The following DOCK4 variants were observed in gnomAD, a reference collection of about 807,000 sequenced individuals.
The protein encoded by DOCK4 is dedicator of cytokinesis 4.
A neutral mutation model predicts 268.1 loss-of-function variants in DOCK4; 97 were observed. The ratio of observed to expected loss-of-function variants is 0.36; its 90% CI spans 0.31 to 0.43. The LOEUF (loss-of-function observed/expected upper bound fraction) is 0.43, where lower values mean the gene tolerates loss of function less well. Among genes scored for constraint, DOCK4 ranks in the 20% least tolerant of loss-of-function variants. DOCK4 has a pLI of 1.00. For synonymous variants in DOCK4, 954 were observed against 887.2 expected (o/e 1.08, Z -1.34); for missense variants, 2,145 against 2,455.7 (o/e 0.87, Z 2.67).
chr7:112,068,636 A>G (rs1807295810), intron 1 of DOCK4, among the ~76,000 whole-genome samples: 1 of 152,242 alleles, frequency 6.6e-6, no homozygotes. Flanking sequence ...AGAAGCCTAT[A>G]AGGCAACCTA....
chr7:112,006,148 C>T (rs1800841917), intron 1 of DOCK4, among the ~76,000 whole-genome samples: 2 of 152,126 alleles, frequency 1.3e-5, no homozygotes, highest in Admixed American at 6.5e-5. Flanking sequence ...TGGATTTGAA[C>T]CCCAATCTCA....
rs1295862308 is a variant in DOCK4, at chr7:111,741,600, C to T, written c.4859G>A (p.Cys1620Tyr). ...CACAGAAGCAGGTGCTGAGTTTCTA[C>T]ACACACGAGGGCTTCCATTAGGAAA... ...VHFPNGSPRV[C>Y]RNSAPASVSP... is the part of the protein sequence containing the mutation. The change falls in exon 46 of 53, where the codon TGT (cysteine) becomes TAT (tyrosine). Residue 1620 changes from cysteine (C) to tyrosine (Y), a missense_variant. Physicochemically the swap from Cys to Tyr is radical, Grantham distance 194. Around this residue, in one of 2 missense-constraint regions of DOCK4, gnomAD observed 547 missense variants for 469.0 expected, o/e 1.17. Coordinates refer to ENST00000428084, the MANE Select transcript of DOCK4 (RefSeq NM_001363540.2). The T allele has an allele frequency of 1.2e-6, 2 of 1,613,590 alleles. No homozygotes were observed. Among genetic ancestry groups the T allele is most frequent in the African/African-American group, 1.3e-5 (1 of 75,016 alleles).
At chr7:111,771,832 C>T (rs1466151648) in intron 36 of DOCK4, among the ~76,000 whole-genome samples, 1 of 152,210 alleles carries the variant, frequency 6.6e-6, no homozygotes, top group Admixed American at 6.5e-5. Context: ...GCCTGCAAGA[C>T]CTTCTTTCCC....
intron 1 of DOCK4, among the ~76,000 whole-genome samples, chr7:112,053,326 C>T (rs1189385143): frequency 1.3e-5 from 2 of 152,304 alleles, no homozygotes; most frequent in Admixed American, 6.5e-5. Context: ...GATCATGCTG[C>T]AAGACCAAAC....
intron 1 of DOCK4, among the ~76,000 whole-genome samples, chr7:112,045,669 T>G (rs928637517): frequency 3.9e-5 from 6 of 152,208 alleles, no homozygotes; most frequent in Admixed American, 2.6e-4. Flanking sequence ...AAGATAGTAA[T>G]TGCCCAATAA....
At chr7:112,111,633 C>A (rs139703748) in intron 1 of DOCK4, among the ~76,000 whole-genome samples, 1 of 152,232 alleles carries the variant, frequency 6.6e-6, no homozygotes, top group African/African-American at 2.4e-5. Flanking sequence ...CACTCCCTAA[C>A]CTTCAGTTCC....
At chr7:111,822,302 T>C (rs773533688) in intron 27 of DOCK4, 60 bp downstream of exon 27, 22 of 1,385,720 alleles carry the variant, frequency 1.6e-5, no homozygotes, top group Non-Finnish European at 2.2e-5. Flanking sequence ...AAAGATAATT[T>C]TGTACTCCCT....
At chr7:112,000,038 G>C (rs751788363) in intron 3 of DOCK4, among the ~76,000 whole-genome samples, 1 of 151,966 alleles carries the variant, frequency 6.6e-6, no homozygotes, top group Non-Finnish European at 1.5e-5. Flanking sequence ...TAATAATATT[G>C]TTTTCCTGGC....
chr7:112,028,760 T>TA (rs769752760), intron 1 of DOCK4, among the ~76,000 whole-genome samples: 29 of 152,346 alleles, frequency 1.9e-4, no homozygotes, highest in Non-Finnish European at 3.5e-4. Context: ...AGGTTGCTGA[T>TA]GTCTCAGTCT....
chr7:111,749,895 C>G (rs1341798211), intron 42 of DOCK4, among the ~76,000 whole-genome samples: 4 of 152,066 alleles, frequency 2.6e-5, no homozygotes, highest in African/African-American at 9.7e-5. Context: ...AGGGTGTAAA[C>G]GATATATCCC....
chr7:112,151,975 A>C (rs941228935), intron 1 of DOCK4, among the ~76,000 whole-genome samples: 4 of 151,980 alleles, frequency 2.6e-5, no homozygotes, highest in African/African-American at 9.7e-5. Context: ...AAAAAAAAAA[A>C]AAACTAATTC....
At chr7:112,095,996 A>AG (rs35830730) in intron 1 of DOCK4, among the ~76,000 whole-genome samples, 59,152 of 151,852 alleles carry the variant, frequency 0.39, 11,732 homozygotes, top group Non-Finnish European at 0.43. Flanking sequence ...AGGCTGAGGC[A>AG]GAGAATCACT....
chr7:111,800,260 T>C (rs1428688807), intron 30 of DOCK4, among the ~76,000 whole-genome samples: 1 of 151,748 alleles, frequency 6.6e-6, no homozygotes, highest in Non-Finnish European at 1.5e-5. Context: ...AACTGGTTAT[T>C]TGAAGGAAAG....
intron 1 of DOCK4, among the ~76,000 whole-genome samples, chr7:112,025,730 T>C (rs529308670): frequency 2.6e-5 from 4 of 152,322 alleles, no homozygotes; most frequent in African/African-American, 7.2e-5. Context: ...CACTATCTTT[T>C]ATTTTCTTTA....
chr7:111,788,981 C>A, intron 31 of DOCK4: 1 of 551,602 alleles, frequency 1.8e-6, no homozygotes. Flanking sequence ...CCAAAGACAT[C>A]TATCTATTTG....
chr7:111,729,223 G>A (rs934291314), intron 52 of DOCK4, among the ~76,000 whole-genome samples: 1 of 152,162 alleles, frequency 6.6e-6, no homozygotes, highest in Non-Finnish European at 1.5e-5. Context: ...ACCAGTCCTC[G>A]AGTTCAGTTC....
intron 22 of DOCK4, 118 bp downstream of exon 22, chr7:111,867,866 A>G: frequency 9.6e-7 from 1 of 1,041,774 alleles, no homozygotes; most frequent in Non-Finnish European, 1.3e-6. Flanking sequence ...TTAAGCTACA[A>G]ATATAAACTG....
Position 111,811,958 on chromosome 7 carries a change from A to T in DOCK4, c.2931-9T>A. The T allele has an allele frequency of 1.5e-6, 2 of 1,377,812 alleles. No homozygotes were observed. The highest frequency in any genetic ancestry group is 1.4e-5 in the South Asian group (1 of 73,124). 85.3% of individuals were successfully genotyped at this position (1,377,812 alleles called of 1,614,324 possible). A position where few individuals can be genotyped will look rare whatever the true frequency, so the allele number is the denominator to read the frequency against. The stretch of plus-strand genomic sequence containing the variant: ...CTGTTGTAATAATAACACTAGTGAT[A>T]AAAAAAATGACAAGGTGAAAACTTC... On this transcript the variant is annotated splice_polypyrimidine_tract_variant and intron_variant, in intron 27 of 52. Coordinates refer to ENST00000428084, the MANE Select transcript of DOCK4 (RefSeq NM_001363540.2).
chr7:111,879,062 A>C (rs1455011948), intron 16 of DOCK4, among the ~76,000 whole-genome samples: 1 of 151,836 alleles, frequency 6.6e-6, no homozygotes, highest in Non-Finnish European at 1.5e-5. Context: ...GCAGCAACAA[A>C]AGTGACTCCT....
Sources: allele counts gnomAD v4.1 joint callset (sites outside exome capture counted in the v4.1 genomes callset), GRCh38; gene constraint gnomAD v4.1.1; regional missense constraint gnomAD v4.1.1; transcripts MANE v1.5; gene names NCBI Gene and HGNC (gene_info 2026-07-23, HGNC 2026-07-21).